Variants in CDHR4 observed in about 807,000 individuals in gnomAD.
The protein encoded by CDHR4 is cadherin-related family member 4.
In CDHR4, 89 loss-of-function variants were observed where a neutral mutation model predicts 88.4. The observed-to-expected ratio is 1.01, with a 90% CI of 0.85 to 1.20. The LOEUF (loss-of-function observed/expected upper bound fraction) is 1.20, where lower values mean the gene tolerates loss of function less well. Among genes scored for constraint, CDHR4 ranks in the 50% most tolerant of loss-of-function variants. The probability of loss-of-function intolerance (pLI) is 0.00; values close to 1 mark genes in which losing one functional copy is unlikely to be tolerated. For missense variants in CDHR4, 914 were observed against 1,007.2 expected, an observed-to-expected ratio of 0.91 and a Z score of 1.25; for synonymous variants, 368 against 399.2, an observed-to-expected ratio of 0.92 and a Z score of 0.93.
chr3:49,802,068 C>A (rs182441562), upstream of CDHR4, among the ~76,000 whole-genome samples: 134 of 152,364 alleles, frequency 8.8e-4, 1 homozygote, highest in Middle Eastern at 0.017. Context: ...CCCTGTCCAG[C>A]TCCTGTCCGT....
rs888734651 is a variant in CDHR4 at position 49,794,713 on chromosome 3, G to A, written c.1186-12C>T. 1.9e-6 allele frequency: 3 copies of A among 1,548,166 alleles called. No individual in the cohort carries two copies. The highest frequency in any genetic ancestry group is 2.6e-6 in the Non-Finnish European group (3 of 1,144,994). ...AGTGTGGCATTCACCTAGCCAAAGGGGCTAGAAAGTGAGGTCCAGCCAGGG... is the reference window on the plus strand; with the variant it reads ...AGTGTGGCATTCACCTAGCCAAAGGAGCTAGAAAGTGAGGTCCAGCCAGGG... On this transcript the variant is annotated splice_polypyrimidine_tract_variant and intron_variant, in intron 9 of 18. Coordinates refer to ENST00000412678, the MANE Select transcript of CDHR4 (RefSeq NM_001007540.4).
chr3:49,792,363 A>G (rs771316139), intron 15 of CDHR4, 105 bp downstream of exon 15: 91 of 1,397,428 alleles, frequency 6.5e-5, no homozygotes, highest in Non-Finnish European at 8.4e-5. Flanking sequence ...TTCGTCACCC[A>G]CCTACTTGGG....
intron 5 of CDHR4, among the ~76,000 whole-genome samples, chr3:49,796,525 C>T (rs748967577): frequency 3.3e-5 from 5 of 152,062 alleles, no homozygotes; most frequent in African/African-American, 9.7e-5. Context: ...TTAGTAGAGA[C>T]GGGGTTTCTC....
At chr3:49,793,765 G>A in intron 11 of CDHR4, 38 bp downstream of exon 11, 1 of 1,551,568 alleles carries the variant, frequency 6.4e-7, no homozygotes, top group Non-Finnish European at 8.7e-7. Flanking sequence ...GGCCAACTCT[G>A]GCTCCCTGTT....
At chr3:49,796,726 C>A (rs923377965) in intron 5 of CDHR4, among the ~76,000 whole-genome samples, 196 bp downstream of exon 5, 1 of 152,142 alleles carries the variant, frequency 6.6e-6, no homozygotes, top group African/African-American at 2.4e-5. Flanking sequence ...AGAGGGATTC[C>A]TCTTCTTTCT....
In CDHR4 at chr3:49,791,946, G is replaced by A. The variant is rs1258295055; in HGVS notation, c.2152C>T (p.Leu718=). 2 of 1,551,702 alleles carry A rather than the reference G, an allele frequency of 1.3e-6. No individual in the cohort carries two copies. Among genetic ancestry groups the A allele is most frequent in the African/African-American group, 2.7e-5 (2 of 73,184 alleles). Residue 718 remains leucine, a synonymous_variant, in exon 16 of 19, where the codon CTG becomes TTG. Transcript: ENST00000412678. ...TGGGCTGGTTTGCTGGGTGCTTGCAGCAGCTGGGCCAACCTAAAATGCCAG... is the reference window on the plus strand; with the variant it reads ...TGGGCTGGTTTGCTGGGTGCTTGCAACAGCTGGGCCAACCTAAAATGCCAG... The part of the protein sequence containing the change: ...GRLLQGLAQL[L]QAPSKPAQAL...
At chr3:49,802,368 G>A (rs1441639776), upstream of CDHR4, among the ~76,000 whole-genome samples, 2 of 152,012 alleles carry the variant, frequency 1.3e-5, no homozygotes, top group African/African-American at 4.8e-5. Context: ...GTAGAGACGG[G>A]GTTTCACCAT....
Position 49,793,858 on chromosome 3 carries a change from GT to G in CDHR4, c.1427del (p.Asn476ThrfsTer42). 6.4e-7 allele frequency: 1 copy of G among 1,551,796 alleles called. No homozygotes were observed. The highest frequency in any genetic ancestry group is 8.7e-7 in the Non-Finnish European group (1 of 1,147,006). On this transcript the variant is annotated frameshift_variant, in exon 11 of 19. Coordinates refer to ENST00000412678, the MANE Select transcript of CDHR4 (RefSeq NM_001007540.4). LOFTEE classifies it high-confidence loss of function. ...GACCACCAGAGGTGTAGTACTCAAT[GT>G]TGTCATGAGGGTAATCCATATCCGT... Reference protein sequence around the residue: ...VGTDMDYPHDNIEYYTSGGPT... With the variant: ...VGTDMDYPHDXIEYYTSGGPT...
chr3:49,796,327 C>A (rs529282995), intron 5 of CDHR4, among the ~76,000 whole-genome samples: 1 of 152,246 alleles, frequency 6.6e-6, no homozygotes, highest in South Asian at 2.1e-4. Context: ...TTGCTGAAAG[C>A]CACCTCCAGA....
rs1450691923 is a variant in CDHR4, at chr3:49,793,610, G to A, written c.1596C>T (p.Gly532=). The A allele has an allele frequency of 1.3e-6, 2 of 1,551,670 alleles. No homozygotes were observed. The highest frequency in any genetic ancestry group is 2.7e-5 in the African/African-American group (2 of 73,070). The change falls in exon 12 of 19, where the codon GGC becomes GGT. Residue 532 remains glycine, a synonymous_variant. Coordinates refer to ENST00000412678, the MANE Select transcript of CDHR4 (RefSeq NM_001007540.4). ...QDQNPNHHLS[G]SCTITIEVED... is the part of the protein sequence containing the mutation. ...CAACCTCGATGGTAATGGTACAGGAGCCTGAGAGGTGATGGTTGGGGTTCT... is the reference window on the plus strand; with the variant it reads ...CAACCTCGATGGTAATGGTACAGGAACCTGAGAGGTGATGGTTGGGGTTCT...
In CDHR4 at chr3:49,790,750, G is replaced by T. The variant is rs1325821402; in HGVS notation, c.*82C>A. ...CTAGAACTTTTCTTTTTGTAATTTT[G>T]TTTATTATGAATCAACTTGAAAATA... On this transcript the variant is annotated 3_prime_UTR_variant, in exon 19 of 19. Coordinates refer to ENST00000412678, the MANE Select transcript of CDHR4 (RefSeq NM_001007540.4). 14 of 1,253,724 alleles carry T rather than the reference G, an allele frequency of 1.1e-5. No individual in the cohort carries two copies. The East Asian group carries it at 2.6e-4, about 23-fold the overall frequency. 77.7% of individuals were successfully genotyped at this position (1,253,724 alleles called of 1,614,324 possible). A position where few individuals can be genotyped will look rare whatever the true frequency, so the allele number is the denominator to read the frequency against.
At chr3:49,799,476 C>A in intron 1 of CDHR4, 39 bp from the exon 2 acceptor site, 1 of 1,542,954 alleles carries the variant, frequency 6.5e-7, no homozygotes, top group Non-Finnish European at 8.8e-7. Context: ...GGCCCCCAGG[C>A]TGATGGAACC....
At chr3:49,793,365 A>C (rs2081213200) in intron 12 of CDHR4, 54 bp from the exon 13 acceptor site, 15 of 1,528,618 alleles carry the variant, frequency 9.8e-6, no homozygotes, top group Non-Finnish European at 1.3e-5. Context: ...TAAACCTCTG[A>C]GCCAGCCCCT....
Position 49,795,220 on chromosome 3 carries a change from G to A in CDHR4, c.1007C>T (p.Pro336Leu), listed in dbSNP as rs757390031. The A allele has an allele frequency of 7.0e-5, 109 of 1,551,562 alleles. No individual in the cohort carries two copies. Among genetic ancestry groups the A allele is most frequent in the Non-Finnish European group, 8.8e-5 (101 of 1,146,988 alleles). The part of the protein sequence containing the change: ...MNVQLVNLWP[P>L]RCLPALLVSQ... ...CACCAGAAGCGCTGGGAGGCAGCGT[G>A]GAGGCCAGAGGTTGACCAGCTGCAC... Residue 336 changes from proline to leucine, a missense_variant, in exon 8 of 19, where the codon CCA becomes CTA. Transcript: ENST00000412678. This position sits in a 1 kb window ranked among gnomAD's most constrained non-coding sequence, Gnocchi z 5.4.
At chr3:49,796,867 A>C (rs2081277624) in intron 5 of CDHR4, 55 bp downstream of exon 5, 1 of 1,404,146 alleles carries the variant, frequency 7.1e-7, no homozygotes, top group African/African-American at 1.4e-5. Flanking sequence ...AAATTTCTAA[A>C]AGGTAGGCAC....
In CDHR4 at chr3:49,793,146, G is replaced by A; in HGVS notation, c.1774+15C>T. The A allele has an allele frequency of 6.4e-7, 1 of 1,551,222 alleles. No homozygotes were observed. On this transcript the variant is annotated intron_variant, in intron 13 of 18. Coordinates refer to ENST00000412678, the MANE Select transcript of CDHR4 (RefSeq NM_001007540.4). ...TGCCCCTCACTCACAACCTGGTGGT[G>A]CCCATGTCCCCTACCTCCCACGATG...
chr3:49,799,115 C>T lies in CDHR4; in HGVS notation c.282G>A (p.Val94=), dbSNP rs1380686211. Reference sequence around the variant, plus strand: ...ACTTCAGCTGCACCTTGTAGTGGTTCACCATCAGGGCATCCAACTGAGCAG... The same window carrying T: ...ACTTCAGCTGCACCTTGTAGTGGTTTACCATCAGGGCATCCAACTGAGCAG... ...SSSAQLDALM[V]NHYKVQLKFT... The change falls in exon 3 of 19, where the codon GTG becomes GTA. Residue 94 remains valine, a synonymous_variant. Transcript: ENST00000412678. The T allele has an allele frequency of 5.1e-6, 8 of 1,574,492 alleles. No homozygotes were observed. The highest frequency in any genetic ancestry group is 6.9e-6 in the Non-Finnish European group (8 of 1,159,690).
upstream of CDHR4, chr3:49,799,931 C>A: frequency 1.0e-6 from 1 of 970,652 alleles, no homozygotes; most frequent in Non-Finnish European, 1.6e-6. Flanking sequence ...TCCTGGGCCT[C>A]CCAGATTCTA....
chr3:49,800,177 C>G (rs2081341710), upstream of CDHR4, among the ~76,000 whole-genome samples: 1 of 152,138 alleles, frequency 6.6e-6, no homozygotes, highest in African/African-American at 2.4e-5. Flanking sequence ...CCAGCTGGAC[C>G]CCCTCCATTA....
Sources: allele counts gnomAD v4.1 joint callset (sites outside exome capture counted in the v4.1 genomes callset), GRCh38; gene constraint gnomAD v4.1.1; non-coding constraint Gnocchi (gnomAD v3.1); transcripts MANE v1.5; gene names NCBI Gene and HGNC (gene_info 2026-07-23, HGNC 2026-07-21).